The following CADM1 variants were observed in gnomAD, a reference collection of about 807,000 sequenced individuals.
CADM1 encodes TSLC-1.
CADM1 carries 15 observed loss-of-function variants against 53.1 expected under a neutral mutation model. The ratio of observed to expected loss-of-function variants is 0.28; its 90% CI spans 0.19 to 0.44. CADM1 has a LOEUF of 0.44. Ranked by LOEUF, CADM1 falls within the 20% of genes least tolerant of loss-of-function variation. The probability of loss-of-function intolerance (pLI) is 1.00; values close to 1 mark genes in which losing one functional copy is unlikely to be tolerated. For missense variants in CADM1, 434 were observed against 611.3 expected (o/e 0.71, Z 3.06); for synonymous variants, 281 against 243.0 (o/e 1.16, Z -1.45).
rs1194789992 is a variant in CADM1, at chr11:115,400,639, ATG to A, written c.124+103630_124+103631del. On this transcript the variant is annotated intron_variant, in intron 1 of 11. Coordinates refer to ENST00000331581, the MANE Select transcript of CADM1 (RefSeq NM_001301043.2). ...TCTTTTATATATATGTATCATATAT[ATG>A]TGTGTGTGTGTGTGTGTGTGTATAT... 7.4e-3 allele frequency among the ~76,000 whole-genome samples: 543 copies of A among 73,206 alleles called. 5 individuals carry two copies. The highest frequency in any genetic ancestry group is 0.012 in the Non-Finnish European group (403 of 33,360). The allele number at this position is 73,206 out of a possible 152,430, so 48.0% of individuals were successfully genotyped here. A position where few individuals can be genotyped will look rare whatever the true frequency, so the allele number is the denominator to read the frequency against.
intron 1 of CADM1, among the ~76,000 whole-genome samples, chr11:115,346,194 G>A (rs1250457038): frequency 6.6e-6 from 1 of 152,124 alleles, no homozygotes; most frequent in African/African-American, 2.4e-5. Context: ...ATCCCTGACA[G>A]CCTTTTAATC....
chr11:115,424,658 C>G (rs980410292), intron 1 of CADM1, among the ~76,000 whole-genome samples: 2 of 152,084 alleles, frequency 1.3e-5, no homozygotes, highest in Non-Finnish European at 2.9e-5. Context: ...TCCCAAGTAT[C>G]TGAGATTACA....
chr11:115,437,015 G>A (rs572125030), intron 1 of CADM1, among the ~76,000 whole-genome samples: 3 of 152,142 alleles, frequency 2.0e-5, no homozygotes, highest in Non-Finnish European at 4.4e-5. Context: ...AGAATCCAAG[G>A]AATTCTTTTT....
chr11:115,485,622 T>A (rs1290916884), intron 1 of CADM1, among the ~76,000 whole-genome samples: 3 of 152,228 alleles, frequency 2.0e-5, no homozygotes, highest in African/African-American at 7.2e-5. Context: ...CCCCTTTAAC[T>A]TGGCTCTCAT....
At chr11:115,191,404 A>G (rs1319576951) in intron 9 of CADM1, among the ~76,000 whole-genome samples, 1 of 152,266 alleles carries the variant, frequency 6.6e-6, no homozygotes, top group African/African-American at 2.4e-5. Context: ...CTTGGATCAC[A>G]TATTTCAAAA....
chr11:115,371,753 C>T lies in CADM1; in HGVS notation c.125-131333G>A, dbSNP rs549133240. Among the ~76,000 whole-genome samples the T allele has an allele frequency of 1.5e-3, 229 of 151,748 alleles. 1 individual carries two copies. The highest frequency in any genetic ancestry group is 5.4e-3 in the African/African-American group (222 of 41,348). ...TCCCGAGTTCACGTCATTCTCCTGC[C>T]TCAGCCTCCTGAGTAGCTGGGTCTA... is the stretch of plus-strand genomic sequence containing the variant. On this transcript the variant is annotated intron_variant, in intron 1 of 11. Transcript: ENST00000331581.
intron 5 of CADM1, among the ~76,000 whole-genome samples, chr11:115,219,268 C>T (rs1486227117): frequency 6.6e-6 from 1 of 152,186 alleles, no homozygotes; most frequent in Non-Finnish European, 1.5e-5. Context: ...CTCAACCAAT[C>T]TCATCTTGTA....
intron 1 of CADM1, among the ~76,000 whole-genome samples, chr11:115,281,865 GAA>G (rs905467215): frequency 1.4e-5 from 2 of 146,598 alleles, no homozygotes; most frequent in South Asian, 4.3e-4. Flanking sequence ...ATGGCTAACT[GAA>G]AAAAAAAAGA....
At chr11:115,337,619 A>T (rs1945301745) in intron 1 of CADM1, among the ~76,000 whole-genome samples, 1 of 152,026 alleles carries the variant, frequency 6.6e-6, no homozygotes, top group Non-Finnish European at 1.5e-5. Context: ...AACGTTTGAT[A>T]TGCATTTGTT....
rs111720647 is a variant in CADM1 at position 115,438,564 on chromosome 11, C to CT, written c.124+65706dup. Among the ~76,000 whole-genome samples the CT allele has an allele frequency of 5.8e-3, 881 of 152,162 alleles. 2 individuals carry two copies. The highest frequency in any genetic ancestry group is 0.02 in the African/African-American group (831 of 41,540). ...GAAAGAAAAACCATTGGCCTCTTGT[C>CT]TAACTTATTTTCATAGCTCTAGAAA... On this transcript the variant is annotated intron_variant, in intron 1 of 11. Coordinates refer to ENST00000331581, the MANE Select transcript of CADM1 (RefSeq NM_001301043.2).
At chr11:115,218,813 C>T (rs532055585) in intron 5 of CADM1, among the ~76,000 whole-genome samples, 1 of 152,228 alleles carries the variant, frequency 6.6e-6, no homozygotes, top group Admixed American at 6.5e-5. Flanking sequence ...TTCTCATTTC[C>T]ACCAGCTACT....
At chr11:115,387,412 G>C (rs1946725858) in intron 1 of CADM1, among the ~76,000 whole-genome samples, 1 of 152,088 alleles carries the variant, frequency 6.6e-6, no homozygotes, top group Non-Finnish European at 1.5e-5. Flanking sequence ...AAGGGAAAAT[G>C]AAGCAAAGGG....
intron 1 of CADM1, among the ~76,000 whole-genome samples, chr11:115,492,400 C>T (rs571097554): frequency 6.6e-6 from 1 of 151,976 alleles, no homozygotes; most frequent in Non-Finnish European, 1.5e-5. Context: ...TGATTTTGAG[C>T]CACGTTAATG....
At chr11:115,190,395 G>T (rs184717889) in intron 10 of CADM1, among the ~76,000 whole-genome samples, 4 of 152,154 alleles carry the variant, frequency 2.6e-5, no homozygotes, top group East Asian at 3.9e-4. Context: ...CAAAACAATT[G>T]CTTCCCCCTC....
Position 115,198,082 on chromosome 11 carries a change from C to T in CADM1, c.1111+324G>A, listed in dbSNP as rs140094638. 3.2e-3 allele frequency among the ~76,000 whole-genome samples: 484 copies of T among 152,208 alleles called. 7 individuals carry two copies. The highest frequency in any genetic ancestry group is 0.011 in the African/African-American group (445 of 41,516). On this transcript the variant is annotated intron_variant, in intron 9 of 11. Transcript: ENST00000331581. The stretch of plus-strand genomic sequence containing the variant: ...TAATTCAGATGTTACAATTTTCCTG[C>T]GAATACTCGTTTGTTTGAAGCCCCA...
At chr11:115,318,306 T>C (rs1944728557) in intron 1 of CADM1, among the ~76,000 whole-genome samples, 1 of 152,232 alleles carries the variant, frequency 6.6e-6, no homozygotes, top group South Asian at 2.1e-4. Context: ...CCTGTCCATC[T>C]GTTGGCCTCA....
chr11:115,364,519 ATT>A (rs1946108745), intron 1 of CADM1, among the ~76,000 whole-genome samples: 1 of 151,038 alleles, frequency 6.6e-6, no homozygotes, highest in Non-Finnish European at 1.5e-5. Flanking sequence ...GTCTTCATGC[ATT>A]TTCTATAGTG....
intron 1 of CADM1, among the ~76,000 whole-genome samples, chr11:115,371,709 G>T (rs932417714): frequency 1.0e-4 from 15 of 150,730 alleles, no homozygotes; most frequent in African/African-American, 3.4e-4. Flanking sequence ...TGCGATCTGG[G>T]CTCACTGCAA....
intron 1 of CADM1, among the ~76,000 whole-genome samples, chr11:115,492,640 A>G (rs1949521726): frequency 6.6e-6 from 1 of 152,110 alleles, no homozygotes; most frequent in Non-Finnish European, 1.5e-5. Context: ...TGTTGTCTAC[A>G]ATGGTCTTGG....
Sources: allele counts gnomAD v4.1 joint callset (sites outside exome capture counted in the v4.1 genomes callset), GRCh38; gene constraint gnomAD v4.1.1; transcripts MANE v1.5; gene names NCBI Gene and HGNC (gene_info 2026-07-23, HGNC 2026-07-21).